Variants in CFAP221 observed in about 807,000 individuals in gnomAD.
CFAP221 encodes the protein cilia- and flagella-associated protein 221.
A neutral mutation model predicts 113.1 loss-of-function variants in CFAP221; 97 were observed. The observed-to-expected ratio is 0.86, with a 90% CI of 0.73 to 1.02. CFAP221 has a LOEUF of 1.02. Among genes scored for constraint, CFAP221 ranks in the 50% least tolerant of loss-of-function variants. CFAP221 has a pLI of 0.00. For missense variants in CFAP221, 1,025 were observed against 1,013.4 expected (o/e 1.01, Z -0.16); for synonymous variants, 331 against 354.4 (o/e 0.93, Z 0.74).
At chr2:119,634,902 T>C (rs1416680036) in intron 19 of CFAP221, among the ~76,000 whole-genome samples, 1 of 152,200 alleles carries the variant, frequency 6.6e-6, no homozygotes, top group Non-Finnish European at 1.5e-5. Flanking sequence ...CGGTACAACA[T>C]CGCACTTATA....
chr2:119,639,703 T>C, intron 20 of CFAP221, 78 bp from the exon 21 acceptor site: 2 of 1,156,868 alleles, frequency 1.7e-6, no homozygotes, highest in Middle Eastern at 2.0e-4. Flanking sequence ...GTCTGAAAAA[T>C]AGTTGAATAA....
In CFAP221 at chr2:119,655,769, C is replaced by G. The variant is rs189436302; in HGVS notation, c.2415-593C>G. 2.6e-4 allele frequency among the ~76,000 whole-genome samples: 39 copies of G among 152,164 alleles called. 1 individual carries two copies. The South Asian group carries it at 7.3e-3, about 28-fold the overall frequency. Reference sequence around the variant, plus strand: ...CCCAGGTCCTCCCCATCTCTCCGCCCTTTGTCTACTCCCACTGCACCCATC... The same window carrying G: ...CCCAGGTCCTCCCCATCTCTCCGCCGTTTGTCTACTCCCACTGCACCCATC... On this transcript the variant is annotated intron_variant, in intron 23 of 23. Coordinates refer to ENST00000413369, the MANE Select transcript of CFAP221 (RefSeq NM_001271049.2).
intron 6 of CFAP221, chr2:119,580,718 A>G (rs1682794996): frequency 5.9e-5 from 9 of 152,242 alleles, no homozygotes; most frequent in Admixed American, 5.9e-4. Context: ...CAGAGCAGGA[A>G]CAGCATAGAA....
Position 119,608,600 on chromosome 2 carries a change from C to G in CFAP221, c.1221+11C>G, listed in dbSNP as rs1243047451. ...TGTGCCAAATATAAGGTCAGAGTTACTGCTAATTTGCTATCATTTGTTTCG... is the reference window on the plus strand; with the variant it reads ...TGTGCCAAATATAAGGTCAGAGTTAGTGCTAATTTGCTATCATTTGTTTCG... On this transcript the variant is annotated intron_variant, in intron 12 of 23. Coordinates refer to ENST00000413369, the MANE Select transcript of CFAP221 (RefSeq NM_001271049.2). 1 of 1,594,528 alleles carries G rather than the reference C, an allele frequency of 6.3e-7. No homozygotes were observed. The highest frequency in any genetic ancestry group is 1.1e-5 in the South Asian group (1 of 89,602).
At chr2:119,634,142 G>A (rs1196604511) in intron 19 of CFAP221, among the ~76,000 whole-genome samples, 1 of 152,080 alleles carries the variant, frequency 6.6e-6, no homozygotes, top group Non-Finnish European at 1.5e-5. Flanking sequence ...TAATAATAAT[G>A]TGATCCAGCA....
In CFAP221 at chr2:119,642,077, G is replaced by T. The variant is rs1354384412; in HGVS notation, c.2225+2205G>T. On this transcript the variant is annotated intron_variant, in intron 21 of 23. Transcript: ENST00000413369. ...GCTTGAATAACCATGAATTAAACAT[G>T]AACTCTCCATGAATTAAAGAAAACT... is the stretch of plus-strand genomic sequence containing the variant. 2.0e-5 allele frequency among the ~76,000 whole-genome samples: 3 copies of T among 152,304 alleles called. No homozygotes were observed. The East Asian group carries it at 5.8e-4, about 29-fold the overall frequency.
At chr2:119,560,443 C>A (rs1479243661) in intron 5 of CFAP221, among the ~76,000 whole-genome samples, 2 of 152,212 alleles carry the variant, frequency 1.3e-5, no homozygotes, top group African/African-American at 4.8e-5. Flanking sequence ...GGAATGTCTG[C>A]AGAGGCAGCC....
chr2:119,582,686 G>A (rs1199172788), intron 6 of CFAP221, among the ~76,000 whole-genome samples: 1 of 152,016 alleles, frequency 6.6e-6, no homozygotes, highest in African/African-American at 2.4e-5. Flanking sequence ...GAAGTCCTAA[G>A]CTCAAGTGGT....
chr2:119,564,774 T>G lies in CFAP221; in HGVS notation c.527+2660T>G, dbSNP rs548604896. On this transcript the variant is annotated intron_variant, in intron 6 of 23. Transcript: ENST00000413369. ...AGTTTTTTATCCACTCCACTGCTGA[T>G]GGACCGATGGGTAGTTTCCACTATT... 1.8e-3 allele frequency among the ~76,000 whole-genome samples: 268 copies of G among 152,352 alleles called. 4 individuals carry two copies. Among genetic ancestry groups the G allele is most frequent in the Non-Finnish European group, 8.8e-5 (6 of 68,028 alleles).
intron 22 of CFAP221, among the ~76,000 whole-genome samples, chr2:119,650,473 T>A (rs1235141379): frequency 6.6e-6 from 1 of 152,240 alleles, no homozygotes; most frequent in Non-Finnish European, 1.5e-5. Context: ...ACCCAACTCC[T>A]CCTCCATTCA....
intron 5 of CFAP221, 92 bp from the exon 6 acceptor site, chr2:119,561,922 T>C (rs567844434): frequency 2.4e-6 from 2 of 848,448 alleles, no homozygotes; most frequent in South Asian, 3.3e-5. Context: ...TTTTTAACGA[T>C]GGAAACAAGA....
chr2:119,605,020 G>A (rs1372302363), intron 10 of CFAP221, 33 bp downstream of exon 10: 1 of 1,591,134 alleles, frequency 6.3e-7, no homozygotes, highest in Admixed American at 1.7e-5. Flanking sequence ...AGCAGCCCCT[G>A]AGCAGAATAT....
At chr2:119,591,397 AGCAATGG>A (rs1384527725) in intron 7 of CFAP221, among the ~76,000 whole-genome samples, 1 of 104,228 alleles carries the variant, frequency 9.6e-6, no homozygotes, top group East Asian at 5.5e-4. Flanking sequence ...TCACATTGGT[AGCAATGG>A]TCAGTTTTAC....
At chr2:119,652,608 G>A (rs1688194408) in intron 23 of CFAP221, among the ~76,000 whole-genome samples, 1 of 152,152 alleles carries the variant, frequency 6.6e-6, no homozygotes, top group Non-Finnish European at 1.5e-5. Context: ...TCCATCAGGG[G>A]CTAACTAGCC....
At chr2:119,554,827 C>T (rs1349368903) in intron 3 of CFAP221, among the ~76,000 whole-genome samples, 1 of 152,146 alleles carries the variant, frequency 6.6e-6, no homozygotes, top group East Asian at 1.9e-4. Flanking sequence ...CTTTAAAGAA[C>T]TTATAAGGCT....
intron 22 of CFAP221, among the ~76,000 whole-genome samples, chr2:119,647,931 A>G (rs1192504108): frequency 6.6e-6 from 1 of 152,184 alleles, no homozygotes; most frequent in Admixed American, 6.5e-5. Flanking sequence ...GAATAGTGTG[A>G]TGAAGGGGTA....
At chr2:119,557,679 C>G (rs890673965) in intron 3 of CFAP221, among the ~76,000 whole-genome samples, 2 of 150,652 alleles carry the variant, frequency 1.3e-5, no homozygotes, top group Non-Finnish European at 3.0e-5. Context: ...AGTGTAGATG[C>G]TGGGTTAGGA....
intron 7 of CFAP221, 43 bp from the exon 8 acceptor site, chr2:119,601,175 C>A: frequency 1.4e-6 from 2 of 1,457,722 alleles, no homozygotes; most frequent in Middle Eastern, 1.9e-4. Flanking sequence ...CTGGACTTGG[C>A]AAGAAGAGAG....
rs543919386 is a variant in CFAP221, at chr2:119,589,520, G to A, written c.631+2298G>A. 2.0e-5 allele frequency: 3 copies of A among 152,324 alleles called. No individual in the cohort carries two copies. In the East Asian group the frequency reaches 5.8e-4, roughly 29 times the overall value. The allele number at this position is 152,324 out of a possible 1,614,324, so 9.4% of individuals were successfully genotyped here. A position where few individuals can be genotyped will look rare whatever the true frequency, so the allele number is the denominator to read the frequency against. On this transcript the variant is annotated intron_variant, in intron 7 of 23. Transcript: ENST00000413369. ...GTTAGCATGTGTATTTGTAGACACT[G>A]TTTCAAGCACGTGTTTGGTAACTTA...
Sources: gnomAD v4.1 joint callset for allele counts (sites outside exome capture counted in the v4.1 genomes callset) on GRCh38, gnomAD v4.1.1 for gene constraint, MANE v1.5 for transcripts, NCBI Gene and HGNC (gene_info 2026-07-23, HGNC 2026-07-21) for gene names.